Variants in MAPKAPK5 observed in about 807,000 individuals in gnomAD.
The protein encoded by MAPKAPK5 is MAPK activated protein kinase 5.
Under a neutral mutation model 65.1 loss-of-function variants are expected in MAPKAPK5, and 30 were observed. The observed-to-expected ratio is 0.46, with a 90% CI of 0.34 to 0.63. The LOEUF (loss-of-function observed/expected upper bound fraction) is 0.63. Ranked by LOEUF, MAPKAPK5 falls within the 20% of genes least tolerant of loss-of-function variation. MAPKAPK5 has a pLI of 0.01. For synonymous variants in MAPKAPK5, 179 were observed against 204.6 expected (o/e 0.87, Z 1.07); for missense variants, 433 against 581.4 (o/e 0.74, Z 2.63).
chr12:111,854,186 A>T (rs1456272142), intron 1 of MAPKAPK5, among the ~76,000 whole-genome samples: 1 of 151,754 alleles, frequency 6.6e-6, no homozygotes, highest in Non-Finnish European at 1.5e-5. Context: ...ACCCTCCTCT[A>T]TGGGATCATT....
intron 6 of MAPKAPK5, among the ~76,000 whole-genome samples, chr12:111,870,609 G>A (rs1428183691): frequency 6.6e-6 from 1 of 152,142 alleles, no homozygotes; most frequent in African/African-American, 2.4e-5. Context: ...ATTATTTGGA[G>A]GACCTTTGGG....
chr12:111,897,714 T>C lies in MAPKAPK5; in HGVS notation c.*4653T>C, dbSNP rs187998533. On this transcript the variant is annotated 3_prime_UTR_variant, in exon 14 of 14. Transcript: ENST00000550735. ...CAGTATAAATTTTCTTGCTAGATGC[T>C]AATGATACATTGTATTATCTGTATT... 9.8e-5 allele frequency: 15 copies of C among 152,320 alleles called. No homozygotes were observed. Among genetic ancestry groups the C allele is most frequent in the Admixed American group, 3.3e-4 (5 of 15,300 alleles). 9.4% of individuals were successfully genotyped at this position (152,320 alleles called of 1,614,324 possible).
intron 1 of MAPKAPK5, among the ~76,000 whole-genome samples, chr12:111,847,449 C>A (rs957423044): frequency 6.6e-6 from 1 of 152,032 alleles, no homozygotes; most frequent in Non-Finnish European, 1.5e-5. Flanking sequence ...TCCCATAGCC[C>A]CATGACTTTG....
In MAPKAPK5 at chr12:111,894,764, A is replaced by ATGTGTGTGTGTGTG. The variant is rs1555276305; in HGVS notation, c.*1704_*1705insGTGTGTGTGTGTGT. On this transcript the variant is annotated 3_prime_UTR_variant, in exon 14 of 14. Coordinates refer to ENST00000550735, the MANE Select transcript of MAPKAPK5 (RefSeq NM_003668.4). ...TTCCATAACAAACCAATTTTCGTGT[A>ATGTGTGTGTGTGTG]TATGTGTGTGTGTGTGTGTGTGTGT... 4.6e-5 allele frequency: 5 copies of ATGTGTGTGTGTGTG among 109,552 alleles called. No homozygotes were observed. Among genetic ancestry groups the ATGTGTGTGTGTGTG allele is most frequent in the South Asian group, 2.5e-4 (1 of 3,928 alleles). 6.8% of individuals were successfully genotyped at this position (109,552 alleles called of 1,614,324 possible).
At chr12:111,870,909 C>T (rs2069763962) in intron 6 of MAPKAPK5, among the ~76,000 whole-genome samples, 176 bp from the exon 7 acceptor site, 1 of 152,172 alleles carries the variant, frequency 6.6e-6, no homozygotes, top group Non-Finnish European at 1.5e-5. Flanking sequence ...TTACTAAGGA[C>T]AGTTCCTCAG....
At chr12:111,880,600 T>C (rs2070164904) in intron 8 of MAPKAPK5, 73 bp downstream of exon 8, 32 of 1,333,160 alleles carry the variant, frequency 2.4e-5, no homozygotes, top group Admixed American at 6.9e-5. Context: ...TGTGGCCCTC[T>C]GGGAGTGTGG....
chr12:111,875,368 G>C (rs79791522), intron 7 of MAPKAPK5, among the ~76,000 whole-genome samples: 2 of 151,872 alleles, frequency 1.3e-5, no homozygotes, highest in African/African-American at 4.8e-5. Flanking sequence ...GGTTAGGTGG[G>C]ATCTGAAATG....
chr12:111,842,534 C>T lies in MAPKAPK5; in HGVS notation c.-200C>T, dbSNP rs2136047633. On this transcript the variant is annotated 5_prime_UTR_variant, in exon 1 of 14. Transcript: ENST00000550735. ...CCAGGGGCCGCCGCCTCCGCCGCTG[C>T]TGCTGCCGCCAGCCTAGAGCCGCCC... 2 of 366,898 alleles carry T rather than the reference C, an allele frequency of 5.5e-6. No individual in the cohort carries two copies. The highest frequency in any genetic ancestry group is 4.0e-5 in the East Asian group (1 of 24,864). 22.7% of individuals were successfully genotyped at this position (366,898 alleles called of 1,614,324 possible). A position where few individuals can be genotyped will look rare whatever the true frequency, so the allele number is the denominator to read the frequency against.
intron 1 of MAPKAPK5, among the ~76,000 whole-genome samples, chr12:111,851,298 G>A (rs1243746772): frequency 6.6e-6 from 1 of 152,068 alleles, no homozygotes; most frequent in Non-Finnish European, 1.5e-5. Context: ...TCCACAAACA[G>A]TGTCTCTAAT....
intron 1 of MAPKAPK5, among the ~76,000 whole-genome samples, chr12:111,848,643 C>A (rs757053355): frequency 6.6e-6 from 1 of 150,926 alleles, no homozygotes; most frequent in African/African-American, 2.4e-5. Context: ...GAACTCCTGA[C>A]CTCAGGTGAT....
chr12:111,849,513 C>T (rs768665286), intron 1 of MAPKAPK5, among the ~76,000 whole-genome samples: 25 of 151,664 alleles, frequency 1.6e-4, no homozygotes, highest in Middle Eastern at 3.5e-3. Flanking sequence ...CTGCCTGCCT[C>T]GGCCTCCCAA....
chr12:111,858,106 T>C (rs1363982852), intron 1 of MAPKAPK5, among the ~76,000 whole-genome samples: 1 of 152,150 alleles, frequency 6.6e-6, no homozygotes, highest in African/African-American at 2.4e-5. Flanking sequence ...AGTTTTGCCA[T>C]GTTGCCCAGG....
Position 111,899,975 on chromosome 12 carries a change from CGTG to C in MAPKAPK5, c.*6917_*6919del, listed in dbSNP as rs1238025388. ...ACAAAAAGTACGTGGAGATGTTTGT[CGTG>C]GTCAACAACCAGCGGTTCCAGATGT... On this transcript the variant is annotated 3_prime_UTR_variant, in exon 14 of 14. Coordinates refer to ENST00000550735, the MANE Select transcript of MAPKAPK5 (RefSeq NM_003668.4). The C allele has an allele frequency of 2.2e-5, 10 of 455,934 alleles. No homozygotes were observed. The Admixed American group carries it at 2.4e-4, about 11-fold the overall frequency. 28.2% of individuals were successfully genotyped at this position (455,934 alleles called of 1,614,324 possible). A position where few individuals can be genotyped will look rare whatever the true frequency, so the allele number is the denominator to read the frequency against.
At chr12:111,868,923 T>C (rs576389010) in intron 5 of MAPKAPK5, 62 bp downstream of exon 5, 22 of 1,239,270 alleles carry the variant, frequency 1.8e-5, no homozygotes, top group Admixed American at 1.5e-4. Context: ...CACAATTTCA[T>C]TGGGGGGAAG....
chr12:111,885,699 T>C, intron 9 of MAPKAPK5: 2 of 522,894 alleles, frequency 3.8e-6, no homozygotes. Context: ...TTTCTACCAT[T>C]TTAATCTCAC....
intron 1 of MAPKAPK5, among the ~76,000 whole-genome samples, chr12:111,848,500 G>A (rs746949938): frequency 6.9e-6 from 1 of 145,604 alleles, no homozygotes; most frequent in African/African-American, 2.6e-5. Context: ...TGCAACCACC[G>A]TCTCCCGGGT....
intron 10 of MAPKAPK5, among the ~76,000 whole-genome samples, chr12:111,886,457 T>C (rs940419957): frequency 6.6e-6 from 1 of 152,234 alleles, no homozygotes; most frequent in African/African-American, 2.4e-5. Context: ...AAAGAGCACA[T>C]CTTTGAAGGG....
chr12:111,872,166 T>C (rs563671885), intron 7 of MAPKAPK5, among the ~76,000 whole-genome samples: 2 of 152,338 alleles, frequency 1.3e-5, no homozygotes, highest in South Asian at 4.1e-4. Flanking sequence ...TTGGGGGACA[T>C]GTTCCCCCAT....
At chr12:111,885,750 C>T in intron 9 of MAPKAPK5, 166 bp from the exon 10 acceptor site, 2 of 722,596 alleles carry the variant, frequency 2.8e-6, no homozygotes, top group South Asian at 2.0e-5. Context: ...CCATAGTACC[C>T]CTACAAGTGG....
Sources: gnomAD v4.1 joint callset for allele counts (sites outside exome capture counted in the v4.1 genomes callset) on GRCh38, gnomAD v4.1.1 for gene constraint, MANE v1.5 for transcripts, NCBI Gene and HGNC (gene_info 2026-07-23, HGNC 2026-07-21) for gene names.